The following PROC variants were observed in gnomAD, a reference collection of about 807,000 sequenced individuals.
PROC encodes the protein protein C, inactivator of coagulation factors Va and VIIIa.
PROC carries 22 observed loss-of-function variants against 36.3 expected under a neutral mutation model. That is an observed-to-expected ratio of 0.61 (90% CI 0.43 to 0.86). PROC has a LOEUF of 0.86. PROC is among the 40% of genes least tolerant of loss of function. The probability of loss-of-function intolerance (pLI) is 0.00; values close to 1 mark genes in which losing one functional copy is unlikely to be tolerated. For synonymous variants in PROC, 218 were observed against 244.5 expected (o/e 0.89, Z 1.01); for missense variants, 526 against 629.7 (o/e 0.84, Z 1.76).
rs1201108822 is a variant in PROC, at chr2:127,418,491, CT to C, written c.-22del. The stretch of plus-strand genomic sequence containing the variant: ...CTTGCAGTATCTCCACGACCCGCCC[CT>C]GTGAGTCCCCCTCCAGGCAGGTCTA... On this transcript the variant is annotated splice_region_variant and 5_prime_UTR_variant, in exon 1 of 9. Transcript: ENST00000234071. The surrounding 1 kb of genome is among the most constrained non-coding windows in gnomAD (Gnocchi z 4.8). The C allele has an allele frequency of 2.3e-6, 3 of 1,289,712 alleles. No individual in the cohort carries two copies. The highest frequency in any genetic ancestry group is 3.0e-5 in the African/African-American group (2 of 65,866). 79.9% of individuals were successfully genotyped at this position (1,289,712 alleles called of 1,614,324 possible).
rs568473236 is a variant in PROC at position 127,421,421 on chromosome 2, A to G, written c.209A>G (p.Lys70Arg). The G allele has an allele frequency of 1.2e-6, 2 of 1,613,996 alleles. No homozygotes were observed. The highest frequency in any genetic ancestry group is 1.7e-6 in the Non-Finnish European group (2 of 1,179,968). ...IEEICDFEEA[K>R]EIFQNVDDTL... ...GAGATCTGTGACTTCGAGGAGGCCA[A>G]GGAAATTTTCCAAAATGTGGATGAC... is the stretch of plus-strand genomic sequence containing the variant. The change falls in exon 3 of 9, where the codon AAG (lysine) becomes AGG (arginine). Residue 70 changes from lysine to arginine, a missense_variant. Coordinates refer to ENST00000234071, the MANE Select transcript of PROC (RefSeq NM_000312.4).
In PROC at chr2:127,423,107, C is replaced by G; in HGVS notation, c.336C>G (p.Ile112Met). 1.2e-6 allele frequency: 2 copies of G among 1,609,276 alleles called. No homozygotes were observed. Among genetic ancestry groups the G allele is most frequent in the African/African-American group, 2.7e-5 (2 of 74,808 alleles). Residue 112 changes from isoleucine to methionine, a missense_variant, in exon 5 of 9, where the codon ATC becomes ATG. Physicochemically the swap from Ile to Met is conservative, Grantham distance 10. Transcript: ENST00000234071. ...TGTGCTGCGGGCACGGCACGTGCAT[C>G]GACGGCATCGGCAGCTTCAGCTGCG... Reference protein sequence around the residue: ...ASLCCGHGTCIDGIGSFSCDC... With the variant: ...ASLCCGHGTCMDGIGSFSCDC...
intron 1 of PROC, among the ~76,000 whole-genome samples, chr2:127,419,058 C>T (rs1263757537): frequency 1.3e-5 from 2 of 152,158 alleles, no homozygotes; most frequent in Admixed American, 6.5e-5. Flanking sequence ...AGACCCAGGA[C>T]CTTGCCTCAG....
chr2:127,426,401 G>T lies in PROC; in HGVS notation c.678+174G>T. ...AGATGGACGCAACCTGAGGGGAGAG[G>T]AGCAGCCAGGGTGGGTGAGGGGAGG... On this transcript the variant is annotated intron_variant, in intron 7 of 8. Transcript: ENST00000234071. This position sits in a 1 kb window ranked among gnomAD's most constrained non-coding sequence, Gnocchi z 7.0. 2.2e-6 allele frequency: 2 copies of T among 898,950 alleles called. No individual in the cohort carries two copies. Among genetic ancestry groups the T allele is most frequent in the Non-Finnish European group, 3.4e-6 (2 of 591,202 alleles). The allele number at this position is 898,950 out of a possible 1,614,324, so 55.7% of individuals were successfully genotyped here. A position where few individuals can be genotyped will look rare whatever the true frequency, so the allele number is the denominator to read the frequency against.
In PROC at chr2:127,421,323, G is replaced by A; in HGVS notation, c.111G>A (p.Leu37=). The change falls in exon 3 of 9, where the codon CTG becomes CTA. Residue 37 remains leucine, a synonymous_variant. Transcript: ENST00000234071. ...FSSSERAHQV[L]RIRKRANSFL... ...GCAGCGAGCGTGCCCACCAGGTGCT[G>A]CGGATCCGCAAACGTGCCAACTCCT... 2.5e-6 allele frequency: 4 copies of A among 1,613,878 alleles called. No homozygotes were observed. Among genetic ancestry groups the A allele is most frequent in the Non-Finnish European group, 3.4e-6 (4 of 1,179,914 alleles).
chr2:127,423,222 G>A (rs1237532942), intron 5 of PROC, 51 bp downstream of exon 5: 1 of 1,525,238 alleles, frequency 6.6e-7, no homozygotes, highest in East Asian at 2.5e-5. Flanking sequence ...GCTGGGGCCG[G>A]GTTGGGGGCG....
At chr2:127,428,013 CTG>C (rs1255865612) in intron 8 of PROC, among the ~76,000 whole-genome samples, 2 of 152,234 alleles carry the variant, frequency 1.3e-5, no homozygotes, top group East Asian at 3.9e-4. Context: ...TGGCTCTGGT[CTG>C]TGTCTGGGGT....
intron 5 of PROC, 33 bp downstream of exon 5, chr2:127,423,204 G>C: frequency 2.0e-6 from 3 of 1,517,144 alleles, no homozygotes; most frequent in Non-Finnish European, 2.7e-6. Flanking sequence ...GGCGGGCGGC[G>C]GGGCGGGGCT....
Position 127,418,471 on chromosome 2 carries a change from A to G in PROC, c.-43A>G. On this transcript the variant is annotated 5_prime_UTR_variant, in exon 1 of 9. Coordinates refer to ENST00000234071, the MANE Select transcript of PROC (RefSeq NM_000312.4). The surrounding 1 kb of genome is among the most constrained non-coding windows in gnomAD (Gnocchi z 4.8). ...CATGGCGGCAGGACGGCGAACTTGC[A>G]GTATCTCCACGACCCGCCCCTGTGA... is the stretch of plus-strand genomic sequence containing the variant. 2.3e-6 allele frequency: 3 copies of G among 1,289,804 alleles called. No individual in the cohort carries two copies. The highest frequency in any genetic ancestry group is 3.0e-6 in the Non-Finnish European group (3 of 988,858). 79.9% of individuals were successfully genotyped at this position (1,289,804 alleles called of 1,614,324 possible).
At position 127,418,610 on chromosome 2, in the gene PROC, G is replaced by A. The variant is rs1687898510; in HGVS notation, c.-22+118G>A. The A allele has an allele frequency of 2.1e-6, 2 of 975,410 alleles. No homozygotes were observed. Among genetic ancestry groups the A allele is most frequent in the South Asian group, 2.8e-5 (2 of 72,472 alleles). 60.4% of individuals were successfully genotyped at this position (975,410 alleles called of 1,614,324 possible). A position where few individuals can be genotyped will look rare whatever the true frequency, so the allele number is the denominator to read the frequency against. ...CAGCCAGGGTGCTCAACAAGCCTGAGCTTGGGGTGAAAGGACACAAGGCCC... is the reference window on the plus strand; with the variant it reads ...CAGCCAGGGTGCTCAACAAGCCTGAACTTGGGGTGAAAGGACACAAGGCCC... On this transcript the variant is annotated intron_variant, in intron 1 of 8. Transcript: ENST00000234071. This position sits in a 1 kb window ranked among gnomAD's most constrained non-coding sequence, Gnocchi z 4.8.
intron 2 of PROC, among the ~76,000 whole-genome samples, chr2:127,420,233 C>T (rs1386182871): frequency 2.6e-5 from 4 of 152,184 alleles, no homozygotes; most frequent in African/African-American, 4.8e-5. Flanking sequence ...CAGGGAGCCC[C>T]GCGATGACCT....
At chr2:127,427,356 T>TG in intron 8 of PROC, 134 bp downstream of exon 8, 1 of 786,614 alleles carries the variant, frequency 1.3e-6, no homozygotes, top group Non-Finnish European at 2.1e-6. Context: ...AGAAGGTGTT[T>TG]GGGGGGAAGA....
At position 127,426,714 on chromosome 2, in the gene PROC, T is replaced by C. The variant is rs536311779; in HGVS notation, c.679-391T>C. Among the ~76,000 whole-genome samples the C allele has an allele frequency of 6.6e-6, 1 of 152,158 alleles. No homozygotes were observed. Among genetic ancestry groups the C allele is most frequent in the Admixed American group, 6.5e-5 (1 of 15,298 alleles). ...GGACCCCAAAGACCCGGCAGCCCAG[T>C]GGGACCACAGCCAGGACGGCCCTTC... On this transcript the variant is annotated intron_variant, in intron 7 of 8. Coordinates refer to ENST00000234071, the MANE Select transcript of PROC (RefSeq NM_000312.4). The surrounding 1 kb of genome is among the most constrained non-coding windows in gnomAD (Gnocchi z 7.0).
At position 127,426,357 on chromosome 2, in the gene PROC, TG is replaced by T; in HGVS notation, c.678+135del. ...CATTGCGTTTGGGGGATGATGAAGGTGGGGGATGCTTCAGGGAAAGATGGAC... is the reference window on the plus strand; with the variant it reads ...CATTGCGTTTGGGGGATGATGAAGGTGGGGATGCTTCAGGGAAAGATGGAC... On this transcript the variant is annotated intron_variant, in intron 7 of 8. Transcript: ENST00000234071. This position sits in a 1 kb window ranked among gnomAD's most constrained non-coding sequence, Gnocchi z 7.0. The T allele has an allele frequency of 7.9e-7, 1 of 1,265,640 alleles. No homozygotes were observed. The highest frequency in any genetic ancestry group is 1.1e-6 in the Non-Finnish European group (1 of 927,364). 78.4% of individuals were successfully genotyped at this position (1,265,640 alleles called of 1,614,324 possible).
At chr2:127,427,245 A>C in intron 8 of PROC, 23 bp downstream of exon 8, 1 of 1,601,896 alleles carries the variant, frequency 6.2e-7, no homozygotes, top group Non-Finnish European at 8.5e-7. Flanking sequence ...GCCAGGCAGA[A>C]GGGGGCTGCC....
rs199679356 is a variant in PROC at position 127,428,496 on chromosome 2, G to A, written c.936G>A (p.Ser312=). The change falls in exon 9 of 9, where the codon TCG becomes TCA. Residue 312 remains serine, a synonymous_variant. Transcript: ENST00000234071. The part of the protein sequence containing the change: ...LLHLAQPATL[S]QTIVPICLPD... Reference sequence around the variant, plus strand: ...ACCTGGCCCAGCCCGCCACCCTCTCGCAGACCATAGTGCCCATCTGCCTCC... The same window carrying A: ...ACCTGGCCCAGCCCGCCACCCTCTCACAGACCATAGTGCCCATCTGCCTCC... 1.4e-5 allele frequency: 23 copies of A among 1,614,078 alleles called. No homozygotes were observed. Among genetic ancestry groups the A allele is most frequent in the Admixed American group, 6.7e-5 (4 of 60,038 alleles).
intron 3 of PROC, among the ~76,000 whole-genome samples, chr2:127,421,750 G>C (rs2069918): frequency 8.6e-5 from 13 of 151,988 alleles, no homozygotes; most frequent in Non-Finnish European, 1.9e-4. Flanking sequence ...CTGCCTCCCC[G>C]TCCCACCTCA....
At chr2:127,424,617 T>C (rs1415273861) in intron 6 of PROC, among the ~76,000 whole-genome samples, 2 of 152,208 alleles carry the variant, frequency 1.3e-5, no homozygotes, top group African/African-American at 2.4e-5. Context: ...GGTGGGAGGA[T>C]TGCTTGAGCT....
In PROC at chr2:127,418,452, G is replaced by A. The variant is rs765866655; in HGVS notation, c.-62G>A. The A allele has an allele frequency of 2.6e-5, 33 of 1,289,804 alleles. No individual in the cohort carries two copies. In the East Asian group the frequency reaches 1.4e-3, roughly 56 times the overall value. 79.9% of individuals were successfully genotyped at this position (1,289,804 alleles called of 1,614,324 possible). ...AACTCGAACTCCAGGCTGTCATGGCGGCAGGACGGCGAACTTGCAGTATCT... is the reference window on the plus strand; with the variant it reads ...AACTCGAACTCCAGGCTGTCATGGCAGCAGGACGGCGAACTTGCAGTATCT... On this transcript the variant is annotated 5_prime_UTR_variant, in exon 1 of 9. Transcript: ENST00000234071. The surrounding 1 kb of genome is among the most constrained non-coding windows in gnomAD (Gnocchi z 4.8).
Sources: allele counts gnomAD v4.1 joint callset (sites outside exome capture counted in the v4.1 genomes callset), GRCh38; gene constraint gnomAD v4.1.1; non-coding constraint Gnocchi (gnomAD v3.1); transcripts MANE v1.5; gene names NCBI Gene and HGNC (gene_info 2026-07-23, HGNC 2026-07-21).